Variants in PRELID2 observed in about 807,000 individuals in gnomAD.
PRELID2 encodes PRELI domain-containing protein 2.
Under a neutral mutation model 28.4 loss-of-function variants are expected in PRELID2, and 25 were observed. The observed-to-expected ratio is 0.88, with a 90% CI of 0.64 to 1.23. PRELID2 has a LOEUF of 1.23. Ranked by LOEUF, PRELID2 falls within the 50% of genes most tolerant of loss-of-function variation. PRELID2 has a pLI of 0.00. For missense variants in PRELID2, 201 were observed against 214.4 expected (o/e 0.94, Z 0.39); for synonymous variants, 76 against 71.6 (o/e 1.06, Z -0.31).
chr5:145,742,126 A>T (rs1406272251), intron 1 of PRELID2, among the ~76,000 whole-genome samples: 33 of 5,356 alleles, frequency 6.2e-3, no homozygotes, highest in Non-Finnish European at 0.014. Context: ...AAAATTTATT[A>T]ATTATAAATA....
chr5:145,234,896 A>G, the PRELID2 span, among the ~76,000 whole-genome samples: 3 of 152,142 alleles, frequency 2.0e-5, no homozygotes, highest in Non-Finnish European at 2.9e-5. Context: ...GTGTATTTAT[A>G]TGAGCTGTGG....
chr5:145,458,591 A>G, the PRELID2 span, among the ~76,000 whole-genome samples: 2 of 152,150 alleles, frequency 1.3e-5, no homozygotes, highest in Non-Finnish European at 2.9e-5. Context: ...GTGAGTAGAA[A>G]CCATGGATGC....
chr5:145,257,975 TG>T, the PRELID2 span, among the ~76,000 whole-genome samples: 1 of 152,172 alleles, frequency 6.6e-6, no homozygotes, highest in Non-Finnish European at 1.5e-5. Flanking sequence ...TCATGAGATC[TG>T]GTTGTCTAAA....
chr5:145,399,087 G>A, the PRELID2 span, among the ~76,000 whole-genome samples: 1 of 152,134 alleles, frequency 6.6e-6, no homozygotes, highest in East Asian at 1.9e-4. Flanking sequence ...ACACCAGACT[G>A]TACCCAGAAT....
At position 145,779,166 on chromosome 5, in the gene PRELID2, T is replaced by C. The variant is rs1352567181; in HGVS notation, c.475-14166A>G. Among the ~76,000 whole-genome samples, 5 of 152,218 alleles carry C rather than the reference T, an allele frequency of 3.3e-5. No individual in the cohort carries two copies. In the East Asian group the frequency reaches 9.6e-4, roughly 29 times the overall value. On this transcript the variant is annotated intron_variant, in intron 5 of 6. Transcript: ENST00000683046. ...ATATTATAATATGTTCATTTGTTCATTAATTCAATAAATATTTATTGAGCA... is the reference window on the plus strand; with the variant it reads ...ATATTATAATATGTTCATTTGTTCACTAATTCAATAAATATTTATTGAGCA...
the PRELID2 span, among the ~76,000 whole-genome samples, chr5:145,466,483 T>C: frequency 2.0e-5 from 3 of 152,190 alleles, no homozygotes; most frequent in Non-Finnish European, 2.9e-5. Flanking sequence ...TTACATGATA[T>C]ATAATGTATG....
chr5:145,312,666 A>G, the PRELID2 span, among the ~76,000 whole-genome samples: 1 of 152,084 alleles, frequency 6.6e-6, no homozygotes, highest in African/African-American at 2.4e-5. Flanking sequence ...AGGCTCATCT[A>G]TGTGCCACAA....
intron 1 of PRELID2, among the ~76,000 whole-genome samples, chr5:145,640,454 C>T (rs1365115155): frequency 3.8e-4 from 48 of 127,112 alleles, no homozygotes; most frequent in African/African-American, 1.3e-3. Flanking sequence ...CCAGCCTGGG[C>T]GACAGAGCGA....
At chr5:145,785,448 T>C (rs1054263618) in intron 5 of PRELID2, among the ~76,000 whole-genome samples, 1 of 152,234 alleles carries the variant, frequency 6.6e-6, no homozygotes, top group African/African-American at 2.4e-5. Flanking sequence ...TGCTTTAAAA[T>C]ACTTCAGCAC....
chr5:145,543,306 T>G (rs993269618), intron 1 of PRELID2, among the ~76,000 whole-genome samples: 1 of 152,162 alleles, frequency 6.6e-6, no homozygotes, highest in Non-Finnish European at 1.5e-5. Context: ...ACATATTTGT[T>G]AAATGTATTA....
chr5:145,510,647 C>A (rs1030072330), intron 1 of PRELID2, among the ~76,000 whole-genome samples: 2 of 152,202 alleles, frequency 1.3e-5, no homozygotes, highest in African/African-American at 4.8e-5. Context: ...TGCTAGCTAT[C>A]TCCTGGAACT....
chr5:145,727,345 G>A (rs1756198987), intron 1 of PRELID2, among the ~76,000 whole-genome samples: 1 of 152,120 alleles, frequency 6.6e-6, no homozygotes, highest in Non-Finnish European at 1.5e-5. Flanking sequence ...CGTCAGGGTA[G>A]CCTTCCACCC....
the PRELID2 span, among the ~76,000 whole-genome samples, chr5:145,309,929 A>G: frequency 6.6e-6 from 1 of 152,242 alleles, no homozygotes; most frequent in Non-Finnish European, 1.5e-5. Flanking sequence ...CAACTGGAGT[A>G]GTCTGTTTTT....
chr5:145,424,314 G>A, the PRELID2 span, among the ~76,000 whole-genome samples: 10 of 152,214 alleles, frequency 6.6e-5, no homozygotes, highest in African/African-American at 2.2e-4. Context: ...CCTGGGCAAT[G>A]GCGGGCGCCC....
At chr5:145,590,255 T>C (rs1161808900) in intron 1 of PRELID2, among the ~76,000 whole-genome samples, 4 of 152,180 alleles carry the variant, frequency 2.6e-5, no homozygotes, top group Middle Eastern at 6.3e-3. Flanking sequence ...CATTCTGGTG[T>C]CTGTTCTAAA....
the PRELID2 span, among the ~76,000 whole-genome samples, chr5:145,369,854 G>C: frequency 2.0e-5 from 3 of 151,894 alleles, no homozygotes; most frequent in African/African-American, 7.3e-5. Context: ...GTTTTGATTT[G>C]CATTCCTCTA....
At chr5:145,591,321 A>T (rs1262133324) in intron 1 of PRELID2, among the ~76,000 whole-genome samples, 1 of 152,010 alleles carries the variant, frequency 6.6e-6, no homozygotes, top group Non-Finnish European at 1.5e-5. Flanking sequence ...ATTGAGACCC[A>T]CATTGATTTG....
the PRELID2 span, among the ~76,000 whole-genome samples, chr5:145,326,809 GA>G: frequency 6.6e-6 from 1 of 151,102 alleles, no homozygotes; most frequent in South Asian, 2.1e-4. Context: ...GAGAAGACCA[GA>G]AAAAAAGCAT....
chr5:145,823,971 G>A (rs1372776765), intron 1 of PRELID2, among the ~76,000 whole-genome samples: 1 of 152,118 alleles, frequency 6.6e-6, no homozygotes, highest in Non-Finnish European at 1.5e-5. Context: ...AAATTGTCCA[G>A]CTAATGAATA....
Sources: allele counts gnomAD v4.1 joint callset (sites outside exome capture counted in the v4.1 genomes callset), GRCh38; gene constraint gnomAD v4.1.1; transcripts MANE v1.5; gene names NCBI Gene and HGNC (gene_info 2026-07-23, HGNC 2026-07-21).